LSM14A: variants seen among roughly 807,000 people sequenced by gnomAD.
LSM14A encodes LSM14A mRNA processing body assembly factor, also known as protein LSM14 homolog A.
LSM14A carries 14 observed loss-of-function variants against 52.4 expected under a neutral mutation model. The ratio of observed to expected loss-of-function variants is 0.27; its 90% CI spans 0.18 to 0.42. The LOEUF (loss-of-function observed/expected upper bound fraction) is 0.42, where lower values mean the gene tolerates loss of function less well. Among genes scored for constraint, LSM14A ranks in the 10% least tolerant of loss-of-function variants. LSM14A has a pLI of 1.00. For missense variants in LSM14A, 417 were observed against 581.8 expected (o/e 0.72, Z 2.91); for synonymous variants, 185 against 200.3 (o/e 0.92, Z 0.64).
At position 34,220,786 on chromosome 19, in the gene LSM14A, T is replaced by G. The variant is rs79926156; in HGVS notation, c.1137-721T>G. The stretch of plus-strand genomic sequence containing the variant: ...GTTACTTGGTATCGGGTCCATAGAT[T>G]GGGCCAGGAACATAATGGGGACCTA... On this transcript the variant is annotated intron_variant, in intron 8 of 9. Coordinates refer to ENST00000544216, the MANE Select transcript of LSM14A (RefSeq NM_015578.4). 6.8e-4 allele frequency among the ~76,000 whole-genome samples: 103 copies of G among 152,306 alleles called. 2 individuals carry two copies. The highest frequency in any genetic ancestry group is 2.5e-3 in the Admixed American group (38 of 15,294).
intron 1 of LSM14A, among the ~76,000 whole-genome samples, chr19:34,189,219 G>T (rs148669128): frequency 6.6e-6 from 1 of 152,202 alleles, no homozygotes; most frequent in East Asian, 1.9e-4. Flanking sequence ...CTACTTAATA[G>T]TAGTAGTATG....
intron 6 of LSM14A, among the ~76,000 whole-genome samples, chr19:34,217,617 G>A (rs945358152): frequency 2.7e-5 from 1 of 36,688 alleles, no homozygotes; most frequent in Admixed American, 5.0e-4. Context: ...CCCCCCCCCC[G>A]TGTTTTTTTT....
chr19:34,174,059 C>T (rs970667555), intron 1 of LSM14A, among the ~76,000 whole-genome samples: 1 of 152,190 alleles, frequency 6.6e-6, no homozygotes, highest in African/African-American at 2.4e-5. Flanking sequence ...AAGTGATTCT[C>T]CTGCCTCAGC....
intron 1 of LSM14A, among the ~76,000 whole-genome samples, chr19:34,192,027 G>A (rs185528498): frequency 6.3e-4 from 96 of 152,262 alleles, no homozygotes; most frequent in Admixed American, 5.0e-3. Context: ...GGGCAGGAGA[G>A]GGCAGAGGAT....
intron 4 of LSM14A, among the ~76,000 whole-genome samples, chr19:34,211,453 A>G (rs1230164040): frequency 1.3e-5 from 2 of 152,130 alleles, no homozygotes; most frequent in African/African-American, 2.4e-5. Context: ...CTTCTATGAT[A>G]AATAATGTAA....
At chr19:34,175,950 G>A (rs1297094041) in intron 1 of LSM14A, among the ~76,000 whole-genome samples, 1 of 152,060 alleles carries the variant, frequency 6.6e-6, no homozygotes, top group African/African-American at 2.4e-5. Context: ...CCACCTCCCG[G>A]GTTCAAGCAG....
At position 34,196,988 on chromosome 19, in the gene LSM14A, T is replaced by TA. The variant is rs541914980; in HGVS notation, c.415+235dup. Among the ~76,000 whole-genome samples the TA allele has an allele frequency of 1.5e-3, 215 of 147,782 alleles. 2 individuals carry two copies. The highest frequency in any genetic ancestry group is 8.3e-3 in the South Asian group (39 of 4,672). The stretch of plus-strand genomic sequence containing the variant: ...CAGAGTAACATTTTTTTTTACTAGG[T>TA]AAAAAAAAAATGGATATACTAGGTA... On this transcript the variant is annotated intron_variant, in intron 3 of 9. Coordinates refer to ENST00000544216, the MANE Select transcript of LSM14A (RefSeq NM_015578.4).
At chr19:34,198,835 A>G (rs1175386538) in intron 3 of LSM14A, among the ~76,000 whole-genome samples, 1 of 151,638 alleles carries the variant, frequency 6.6e-6, no homozygotes, top group Non-Finnish European at 1.5e-5. Context: ...AAATACAAAA[A>G]AATTAGCCGG....
intron 4 of LSM14A, among the ~76,000 whole-genome samples, chr19:34,209,844 C>CTTT (rs34313988): frequency 1.1e-3 from 156 of 140,390 alleles, no homozygotes; most frequent in South Asian, 1.8e-3. Context: ...TTGGGCCTGG[C>CTTT]TTTTTTTTTT....
At position 34,215,206 on chromosome 19, in the gene LSM14A, T is replaced by A; in HGVS notation, c.621T>A (p.Pro207=). The A allele has an allele frequency of 6.2e-7, 1 of 1,614,200 alleles. No homozygotes were observed. The highest frequency in any genetic ancestry group is 8.5e-7 in the Non-Finnish European group (1 of 1,180,032). Residue 207 remains proline, a synonymous_variant, in exon 5 of 10, where the codon CCT becomes CCA. Transcript: ENST00000544216. Reference sequence around the variant, plus strand: ...TGCAGACCGCCTCAGCCCACTTACCTGCTCCAGCAGCTGTTGGGAGAAGGA... The same window carrying A: ...TGCAGACCGCCTCAGCCCACTTACCAGCTCCAGCAGCTGTTGGGAGAAGGA... ...QAVQTASAHL[P]APAAVGRRSP...
intron 3 of LSM14A, among the ~76,000 whole-genome samples, chr19:34,197,690 C>T (rs553219628): frequency 6.6e-6 from 1 of 152,122 alleles, no homozygotes; most frequent in Admixed American, 6.5e-5. Flanking sequence ...ATCCACCCAC[C>T]TCAGCCTCCC....
intron 4 of LSM14A, among the ~76,000 whole-genome samples, chr19:34,211,650 A>G (rs2072162164): frequency 2.0e-5 from 3 of 152,000 alleles, no homozygotes; most frequent in African/African-American, 7.2e-5. Context: ...TAAGCAGAGT[A>G]TGATGGTGGA....
chr19:34,214,108 C>G (rs2072378427), intron 4 of LSM14A, among the ~76,000 whole-genome samples: 1 of 152,030 alleles, frequency 6.6e-6, no homozygotes. Context: ...CAAAAACTTG[C>G]CAAGAGATCT....
At chr19:34,195,844 G>A (rs888823159) in intron 2 of LSM14A, among the ~76,000 whole-genome samples, 2 of 152,212 alleles carry the variant, frequency 1.3e-5, no homozygotes, top group African/African-American at 2.4e-5. Flanking sequence ...CTAAGAGAGC[G>A]CATATGAAAA....
intron 6 of LSM14A, among the ~76,000 whole-genome samples, chr19:34,217,664 G>A (rs1039520841): frequency 2.9e-5 from 3 of 102,720 alleles, no homozygotes; most frequent in African/African-American, 1.2e-4. Flanking sequence ...GTCAACCTCT[G>A]TCACCCAGGC....
chr19:34,192,056 G>A (rs1005680325), intron 1 of LSM14A, among the ~76,000 whole-genome samples: 2 of 151,992 alleles, frequency 1.3e-5, no homozygotes, highest in African/African-American at 4.8e-5. Flanking sequence ...ATGGATTCTG[G>A]GGTTGGTCTT....
chr19:34,203,265 A>G (rs925206800), intron 3 of LSM14A, among the ~76,000 whole-genome samples: 4 of 152,216 alleles, frequency 2.6e-5, no homozygotes, highest in African/African-American at 9.7e-5. Context: ...TTGATTGTTT[A>G]AGTCTCATAA....
Position 34,215,712 on chromosome 19 carries a change from T to A in LSM14A, c.781+51T>A, listed in dbSNP as rs375912258. The A allele has an allele frequency of 1.3e-5, 16 of 1,227,608 alleles. No homozygotes were observed. In the Admixed American group the frequency reaches 1.5e-4, roughly 11 times the overall value. 76.0% of individuals were successfully genotyped at this position (1,227,608 alleles called of 1,614,324 possible). On this transcript the variant is annotated intron_variant, in intron 6 of 9. Coordinates refer to ENST00000544216, the MANE Select transcript of LSM14A (RefSeq NM_015578.4). ...ATTCTATGCTTCTCAACAGGGAGAA[T>A]ATTTTAAATATATGATACATAATTA...
chr19:34,186,362 G>A (rs773946805), intron 1 of LSM14A, among the ~76,000 whole-genome samples: 13 of 152,274 alleles, frequency 8.5e-5, no homozygotes, highest in Non-Finnish European at 1.8e-4. Flanking sequence ...TTTTGTATGA[G>A]ATTAACATTT....
Sources: gnomAD v4.1 joint callset for allele counts (sites outside exome capture counted in the v4.1 genomes callset) on GRCh38, gnomAD v4.1.1 for gene constraint, MANE v1.5 for transcripts, NCBI Gene and HGNC (gene_info 2026-07-23, HGNC 2026-07-21) for gene names.